TPCN1: variants seen among roughly 807,000 people sequenced by gnomAD.
TPCN1 encodes the protein two pore segment channel 1.
A neutral mutation model predicts 108.8 loss-of-function variants in TPCN1; 52 were observed. That is an observed-to-expected ratio of 0.48 (90% confidence interval 0.38 to 0.60). TPCN1 has a LOEUF of 0.60. Among genes scored for constraint, TPCN1 ranks in the 20% least tolerant of loss-of-function variants. The probability of loss-of-function intolerance (pLI) is 0.00; values close to 1 mark genes in which losing one functional copy is unlikely to be tolerated. For synonymous variants in TPCN1, 446 were observed against 433.7 expected, an observed-to-expected ratio of 1.03 and a Z score of -0.35; for missense variants, 806 against 1,072.8, an observed-to-expected ratio of 0.75 and a Z score of 3.47.
intron 2 of TPCN1, among the ~76,000 whole-genome samples, chr12:113,252,295 G>A (rs1050311920): frequency 3.3e-5 from 5 of 152,180 alleles, no homozygotes; most frequent in African/African-American, 1.2e-4. Context: ...GGCCTGCACC[G>A]TGGGACGCGT....
chr12:113,260,518 C>T, intron 3 of TPCN1, 26 bp downstream of exon 3: 4 of 1,560,020 alleles, frequency 2.6e-6, no homozygotes, highest in Non-Finnish European at 3.5e-6. Context: ...CAGGCCCTGG[C>T]AGTTGTCTGC....
rs940740563 is a variant in TPCN1 at position 113,275,865 on chromosome 12, C to T, written c.943-1054C>T. ...TGCTGGGATTACAGGCCACCGTGCC[C>T]GGCCTGAGAAAATATTTTCTTGTTT... On this transcript the variant is annotated intron_variant, in intron 10 of 27. Transcript: ENST00000335509. 6.6e-5 allele frequency among the ~76,000 whole-genome samples: 10 copies of T among 152,252 alleles called. No homozygotes were observed. In the South Asian group the frequency reaches 8.3e-4, roughly 13 times the overall value.
In TPCN1 at chr12:113,273,774, C is replaced by A; in HGVS notation, c.942+106C>A. 1.0e-6 allele frequency: 1 copy of A among 953,742 alleles called. No individual in the cohort carries two copies. The highest frequency in any genetic ancestry group is 1.7e-6 in the Non-Finnish European group (1 of 588,940). The allele number at this position is 953,742 out of a possible 1,614,324, so 59.1% of individuals were successfully genotyped here. A position where few individuals can be genotyped will look rare whatever the true frequency, so the allele number is the denominator to read the frequency against. The stretch of plus-strand genomic sequence containing the variant: ...GGGGACTGTCTTCTGCCTCTCAGGG[C>A]AGAACGTTGGGGCAGGAAGTCCCAG... On this transcript the variant is annotated intron_variant, in intron 10 of 27. Transcript: ENST00000335509. The surrounding 1 kb of genome is among the most constrained non-coding windows in gnomAD (Gnocchi z 4.0).
rs1030926109 is a variant in TPCN1 at position 113,266,480 on chromosome 12, C to T, written c.414+124C>T. ...CAAACGGACTTAAAACAGAGAGATA[C>T]GAGGTGGTCATAGAGGCCTTGGGAG... On this transcript the variant is annotated intron_variant, in intron 4 of 27. Transcript: ENST00000335509. This position sits in a 1 kb window ranked among gnomAD's most constrained non-coding sequence, Gnocchi z 4.2. 17 of 1,330,394 alleles carry T rather than the reference C, an allele frequency of 1.3e-5. No homozygotes were observed. Among genetic ancestry groups the T allele is most frequent in the Admixed American group, 7.9e-5 (4 of 50,722 alleles). 82.4% of individuals were successfully genotyped at this position (1,330,394 alleles called of 1,614,324 possible). A position where few individuals can be genotyped will look rare whatever the true frequency, so the allele number is the denominator to read the frequency against.
chr12:113,247,611 G>A (rs537831131), intron 2 of TPCN1, among the ~76,000 whole-genome samples: 20 of 152,338 alleles, frequency 1.3e-4, no homozygotes, highest in African/African-American at 4.3e-4. Context: ...GGCCCCTGCC[G>A]TGCCCTCGTC....
chr12:113,243,649 G>A (rs1461193463), intron 2 of TPCN1, among the ~76,000 whole-genome samples: 1 of 152,120 alleles, frequency 6.6e-6, no homozygotes. Flanking sequence ...AGCTACTGAG[G>A]AGGCTGAGGC....
In TPCN1 at chr12:113,258,115, G is replaced by A. The variant is rs78133129; in HGVS notation, c.113-2253G>A. Among the ~76,000 whole-genome samples, 1,057 of 152,244 alleles carry A rather than the reference G, an allele frequency of 6.9e-3. 47 individuals are homozygous for A. The East Asian group carries it at 0.14, about 20-fold the overall frequency. ...CACGTAGGTCAAAATGTATCAAACT[G>A]TATTCTTAAAATATATACTGTTTAT... On this transcript the variant is annotated intron_variant, in intron 2 of 27. Transcript: ENST00000335509.
At chr12:113,278,506 G>A (rs1955751313) in intron 13 of TPCN1, among the ~76,000 whole-genome samples, 1 of 152,236 alleles carries the variant, frequency 6.6e-6, no homozygotes, top group Non-Finnish European at 1.5e-5. Flanking sequence ...GAGCCTTTCT[G>A]AGGCTTGTCT....
At chr12:113,252,301 C>T (rs572791490) in intron 2 of TPCN1, among the ~76,000 whole-genome samples, 6 of 152,218 alleles carry the variant, frequency 3.9e-5, no homozygotes, top group Non-Finnish European at 5.9e-5. Flanking sequence ...CACCGTGGGA[C>T]GCGTCGGGCC....
chr12:113,268,242 A>G lies in TPCN1; in HGVS notation c.528+286A>G, dbSNP rs1035335605. ...CCGTGGTTTACATTCATCTGGAGAC[A>G]TGGGGCTCACACCCAGCTCTGCCCA... On this transcript the variant is annotated intron_variant, in intron 5 of 27. Transcript: ENST00000335509. The surrounding 1 kb of genome is among the most constrained non-coding windows in gnomAD (Gnocchi z 7.3). Among the ~76,000 whole-genome samples, 5 of 152,296 alleles carry G rather than the reference A, an allele frequency of 3.3e-5. No individual in the cohort carries two copies. Among genetic ancestry groups the G allele is most frequent in the African/African-American group, 7.2e-5 (3 of 41,558 alleles).
At chr12:113,263,205 T>A (rs1955108995) in intron 3 of TPCN1, among the ~76,000 whole-genome samples, 1 of 152,176 alleles carries the variant, frequency 6.6e-6, no homozygotes, top group Non-Finnish European at 1.5e-5. Context: ...GCATTATTTT[T>A]AAAAAAATTA....
chr12:113,254,412 T>C (rs1297449108), intron 2 of TPCN1, among the ~76,000 whole-genome samples: 1 of 152,182 alleles, frequency 6.6e-6, no homozygotes, highest in East Asian at 1.9e-4. Flanking sequence ...CGGATGTAGA[T>C]GCAAAAAATT....
rs1486797835 is a variant in TPCN1, at chr12:113,267,870, C to T, written c.442C>T (p.Leu148=). 1.9e-6 allele frequency: 3 copies of T among 1,614,054 alleles called. No homozygotes were observed. The highest frequency in any genetic ancestry group is 2.5e-6 in the Non-Finnish European group (3 of 1,179,958). ...CCACGCCACCCTGGAGCTGTTTGCC[C>T]TGATGGTGGTAGTGTTTGAACTCTG... The part of the protein sequence containing the change: ...YVHATLELFA[L]MVVVFELCMK... The change falls in exon 5 of 28, where the codon CTG becomes TTG. Residue 148 remains leucine (L), a synonymous_variant. Transcript: ENST00000335509.
chr12:113,280,298 C>A, intron 15 of TPCN1, 103 bp downstream of exon 15: 1 of 911,248 alleles, frequency 1.1e-6, no homozygotes. Context: ...CTGTGTTTGA[C>A]TTTTTATTGT....
At chr12:113,267,980 C>T (rs747302555) in intron 5 of TPCN1, 24 bp downstream of exon 5, 1 of 1,511,020 alleles carries the variant, frequency 6.6e-7, no homozygotes, top group Admixed American at 1.8e-5. Context: ...CCATCTGTCC[C>T]TCCCCTCACA....
chr12:113,263,635 A>G (rs1200940471), intron 3 of TPCN1, among the ~76,000 whole-genome samples: 2 of 152,218 alleles, frequency 1.3e-5, no homozygotes, highest in Non-Finnish European at 2.9e-5. Flanking sequence ...GTGTGCATGG[A>G]TAATTGGCCC....
At chr12:113,248,332 A>G (rs1954484455) in intron 2 of TPCN1, among the ~76,000 whole-genome samples, 1 of 152,348 alleles carries the variant, frequency 6.6e-6, no homozygotes, top group East Asian at 1.9e-4. Context: ...ATTGTGTACA[A>G]CGCTGTTCTG....
At chr12:113,238,272 A>G (rs1016137294) in intron 2 of TPCN1, among the ~76,000 whole-genome samples, 1 of 152,208 alleles carries the variant, frequency 6.6e-6, no homozygotes, top group African/African-American at 2.4e-5. Flanking sequence ...TAGCTGTAGA[A>G]GCAAGCAGAG....
chr12:113,226,558 GGT>G, intron 1 of TPCN1, among the ~76,000 whole-genome samples, 168 bp from the exon 2 acceptor site: 1 of 152,180 alleles, frequency 6.6e-6, no homozygotes, highest in African/African-American at 2.4e-5. Context: ...TGGGATTATA[GGT>G]GTGAGCCACC....
Sources: allele counts gnomAD v4.1 joint callset (sites outside exome capture counted in the v4.1 genomes callset), GRCh38; gene constraint gnomAD v4.1.1; non-coding constraint Gnocchi (gnomAD v3.1); transcripts MANE v1.5; gene names NCBI Gene and HGNC (gene_info 2026-07-23, HGNC 2026-07-21).